Variants in PDZRN4 observed in about 807,000 individuals in gnomAD.
PDZRN4 encodes PDZ domain containing ring finger 4.
In PDZRN4, 70 loss-of-function variants were observed where a neutral mutation model predicts 99.0. That is an observed-to-expected ratio of 0.71 (90% CI 0.58 to 0.86). The LOEUF is 0.86. PDZRN4 is among the 40% of genes least tolerant of loss of function. The pLI is 0.00. For missense variants in PDZRN4, 1,474 were observed against 1,331.2 expected, an observed-to-expected ratio of 1.11 and a Z score of -1.67; for synonymous variants, 551 against 501.6, an observed-to-expected ratio of 1.10 and a Z score of -1.32.
Position 41,506,613 on chromosome 12 carries a change from C to T in PDZRN4, c.1001C>T (p.Thr334Ile), listed in dbSNP as rs769948980. 6.2e-7 allele frequency: 1 copy of T among 1,613,938 alleles called. No homozygotes were observed. Among genetic ancestry groups the T allele is most frequent in the South Asian group, 1.1e-5 (1 of 91,078 alleles). The part of the protein sequence containing the change: ...ASEVQLMNAS[T>I]QTDITFEHIM... ...GAAGTGCAGCTTATGAATGCCAGCA[C>T]TCAGACGGACATCACCTTCGAACAC... The change falls in exon 4 of 10, where the codon ACT becomes ATT. Residue 334 changes from threonine to isoleucine, a missense_variant. Coordinates refer to ENST00000402685, the MANE Select transcript of PDZRN4 (RefSeq NM_001164595.2).
chr12:41,550,411 C>G (rs1939032444), intron 5 of PDZRN4, among the ~76,000 whole-genome samples: 1 of 152,152 alleles, frequency 6.6e-6, no homozygotes, highest in Admixed American at 6.6e-5. Context: ...TACCTTGTTG[C>G]TGTAATTGAA....
At chr12:41,399,606 G>T (rs534794726) in intron 3 of PDZRN4, among the ~76,000 whole-genome samples, 3 of 151,862 alleles carry the variant, frequency 2.0e-5, no homozygotes, top group Non-Finnish European at 4.4e-5. Flanking sequence ...CATGGTGGTG[G>T]GTGCCTATAA....
intron 3 of PDZRN4, among the ~76,000 whole-genome samples, chr12:41,446,850 A>AT (rs36011837): frequency 0.021 from 2,894 of 138,988 alleles, 41 homozygotes; most frequent in African/African-American, 0.05. Context: ...ACCAAGGGCA[A>AT]TTTTTTTTTT....
At chr12:41,500,458 C>T (rs939733929) in intron 3 of PDZRN4, among the ~76,000 whole-genome samples, 1 of 152,062 alleles carries the variant, frequency 6.6e-6, no homozygotes, top group African/African-American at 2.4e-5. Flanking sequence ...CTGTCCAAAG[C>T]GGAACACTGG....
intron 3 of PDZRN4, among the ~76,000 whole-genome samples, chr12:41,424,760 G>A (rs76459404): frequency 1.3e-5 from 2 of 152,178 alleles, no homozygotes; most frequent in African/African-American, 2.4e-5. Context: ...TCTCCAGATA[G>A]TGAGTCAGGG....
intron 3 of PDZRN4, among the ~76,000 whole-genome samples, chr12:41,353,595 T>C (rs1188414328): frequency 6.6e-6 from 1 of 152,046 alleles, no homozygotes; most frequent in Non-Finnish European, 1.5e-5. Flanking sequence ...GTGATGGTAA[T>C]GCATTTGGTG....
Position 41,573,121 on chromosome 12 carries a change from C to T in PDZRN4, c.2342C>T (p.Ser781Phe), listed in dbSNP as rs776807561. 1.9e-6 allele frequency: 3 copies of T among 1,614,126 alleles called. No homozygotes were observed. The South Asian group carries it at 3.3e-5, about 18-fold the overall frequency. Residue 781 changes from serine to phenylalanine, a missense_variant, in exon 10 of 10, where the codon TCC (serine) becomes TTC (phenylalanine). Transcript: ENST00000402685. ...AGAAGCACAATGGCAGCCACCCAGT[C>T]CTCTTCCGGACAGAGCAGTAAAGAG... is the stretch of plus-strand genomic sequence containing the variant. ...NLRSTMAATQ[S>F]SSGQSSKEST...
intron 3 of PDZRN4, among the ~76,000 whole-genome samples, chr12:41,278,337 CA>C (rs2120877395): frequency 6.6e-6 from 1 of 152,270 alleles, no homozygotes; most frequent in East Asian, 1.9e-4. Context: ...TCACCAAATT[CA>C]AGGAGACTTT....
intron 7 of PDZRN4, among the ~76,000 whole-genome samples, chr12:41,561,686 A>G (rs114508805): frequency 0.013 from 1,934 of 151,506 alleles, 42 homozygotes; most frequent in African/African-American, 0.043. Context: ...AACAGAAAAG[A>G]TGAAGATAAG....
intron 5 of PDZRN4, among the ~76,000 whole-genome samples, chr12:41,543,352 A>C (rs1225645726): frequency 6.6e-6 from 1 of 152,180 alleles, no homozygotes; most frequent in African/African-American, 2.4e-5. Context: ...TGAGAGAGAG[A>C]GAGAGATCTG....
intron 3 of PDZRN4, among the ~76,000 whole-genome samples, chr12:41,307,479 C>T (rs935138355): frequency 1.3e-5 from 2 of 152,178 alleles, no homozygotes; most frequent in Admixed American, 1.3e-4. Flanking sequence ...AACCTAATTA[C>T]CTTCCATAGG....
At chr12:41,215,465 CT>C (rs1437570660) in intron 3 of PDZRN4, among the ~76,000 whole-genome samples, 1 of 151,954 alleles carries the variant, frequency 6.6e-6, no homozygotes, top group Non-Finnish European at 1.5e-5. Flanking sequence ...TTGAATATCA[CT>C]TTTTAAATTA....
chr12:41,367,482 C>T (rs1157333422), intron 3 of PDZRN4, among the ~76,000 whole-genome samples: 2 of 152,014 alleles, frequency 1.3e-5, no homozygotes, highest in Non-Finnish European at 2.9e-5. Context: ...GCACTCCAGC[C>T]TGGGTGACAG....
intron 6 of PDZRN4, among the ~76,000 whole-genome samples, chr12:41,554,333 T>G (rs1367653764): frequency 6.6e-6 from 1 of 152,164 alleles, no homozygotes; most frequent in African/African-American, 2.4e-5. Context: ...CTATTTACTA[T>G]TTAAATATGT....
intron 3 of PDZRN4, among the ~76,000 whole-genome samples, chr12:41,504,098 G>C (rs967732059): frequency 1.3e-5 from 2 of 151,836 alleles, no homozygotes; most frequent in African/African-American, 4.8e-5. Flanking sequence ...GTGAAACCCC[G>C]TCTCTACTAA....
intron 3 of PDZRN4, among the ~76,000 whole-genome samples, chr12:41,325,611 C>T (rs939981759): frequency 6.6e-6 from 1 of 152,046 alleles, no homozygotes; most frequent in East Asian, 1.9e-4. Context: ...AGGTCAGCTA[C>T]GGGTTAGTTA....
At chr12:41,558,962 G>A (rs962529722) in intron 7 of PDZRN4, among the ~76,000 whole-genome samples, 7 of 152,162 alleles carry the variant, frequency 4.6e-5, no homozygotes, top group African/African-American at 1.7e-4. Context: ...ATGAGAGTGA[G>A]AAAAACAGAG....
At chr12:41,540,926 T>C (rs1224821063) in intron 5 of PDZRN4, among the ~76,000 whole-genome samples, 2 of 135,156 alleles carry the variant, frequency 1.5e-5, no homozygotes, top group East Asian at 4.1e-4. Flanking sequence ...GTTGTTGTTG[T>C]TGTTGTTGTT....
chr12:41,550,972 T>G (rs1436473423), intron 5 of PDZRN4, among the ~76,000 whole-genome samples: 8 of 152,198 alleles, frequency 5.3e-5, no homozygotes, highest in Non-Finnish European at 1.0e-4. Flanking sequence ...GTTAAGTAAG[T>G]TTTCCTTCAT....
Sources: allele counts gnomAD v4.1 joint callset (sites outside exome capture counted in the v4.1 genomes callset), GRCh38; gene constraint gnomAD v4.1.1; transcripts MANE v1.5; gene names NCBI Gene and HGNC (gene_info 2026-07-23, HGNC 2026-07-21).